The following DNAH8 variants were observed in gnomAD, a reference collection of about 807,000 sequenced individuals.
DNAH8 encodes axonemal beta dynein heavy chain 8.
In DNAH8, 382 loss-of-function variants were observed where a neutral mutation model predicts 562.1. The observed-to-expected ratio is 0.68, with a 90% CI of 0.63 to 0.74. DNAH8 has a LOEUF of 0.74. DNAH8 is among the 30% of genes least tolerant of loss of function. The probability of loss-of-function intolerance (pLI) is 0.00; values close to 1 mark genes in which losing one functional copy is unlikely to be tolerated. For missense variants in DNAH8, 5,203 were observed against 5,620.4 expected (o/e 0.93, Z 2.37); for synonymous variants, 1,881 against 1,919.4 (o/e 0.98, Z 0.52).
intron 23 of DNAH8, among the ~76,000 whole-genome samples, chr6:38,805,855 C>A (rs1771225981): frequency 6.6e-6 from 1 of 152,164 alleles, no homozygotes; most frequent in South Asian, 2.1e-4. Context: ...CATGTTTTCT[C>A]ATATAGTAAA....
intron 73 of DNAH8, 21 bp from the exon 74 acceptor site, chr6:38,926,034 T>C (rs1561871331): frequency 1.2e-6 from 2 of 1,608,652 alleles, no homozygotes; most frequent in East Asian, 4.5e-5. Context: ...TGAATGGTGA[T>C]ATCCATTTCC....
intron 40 of DNAH8, among the ~76,000 whole-genome samples, 181 bp from the exon 41 acceptor site, chr6:38,853,004 TG>T (rs1325250150): frequency 3.3e-5 from 5 of 152,178 alleles, no homozygotes; most frequent in Non-Finnish European, 7.3e-5. Flanking sequence ...TTGGACTAGG[TG>T]ATCTGTGTAG....
chr6:39,019,857 G>A (rs768861785), intron 91 of DNAH8, among the ~76,000 whole-genome samples: 5 of 152,152 alleles, frequency 3.3e-5, no homozygotes, highest in Non-Finnish European at 7.3e-5. Flanking sequence ...CAGAGGCTGT[G>A]GTTGTCAATG....
intron 39 of DNAH8, among the ~76,000 whole-genome samples, chr6:38,852,181 G>A (rs1490599204): frequency 1.3e-5 from 2 of 152,160 alleles, no homozygotes; most frequent in Non-Finnish European, 2.9e-5. Context: ...TACTTTGGAA[G>A]AGGAAAAGAA....
At position 38,984,321 on chromosome 6, in the gene DNAH8, GAAAA is replaced by G. The variant is rs1561942994; in HGVS notation, c.13053+16_13053+19del. The G allele has an allele frequency of 3.2e-6, 5 of 1,548,346 alleles. No individual in the cohort carries two copies. Among genetic ancestry groups the G allele is most frequent in the Non-Finnish European group, 4.5e-6 (5 of 1,120,284 alleles). On this transcript the variant is annotated intron_variant, in intron 87 of 92. Coordinates refer to ENST00000327475, the MANE Select transcript of DNAH8 (RefSeq NM_001206927.2). Reference sequence around the variant, plus strand: ...TGCTTTGCCAGAGTAAGTCAATTTAGAAAAATAAAGTTTGGAGACACATTTCACT... The same window carrying G: ...TGCTTTGCCAGAGTAAGTCAATTTAGATAAAGTTTGGAGACACATTTCACT...
chr6:38,955,091 C>G (rs922661150), intron 82 of DNAH8, among the ~76,000 whole-genome samples: 21 of 152,126 alleles, frequency 1.4e-4, no homozygotes, highest in Non-Finnish European at 8.8e-5. Flanking sequence ...CCTCAGCCTT[C>G]CAAGTAGCTG....
intron 3 of DNAH8, among the ~76,000 whole-genome samples, chr6:38,728,189 A>G (rs1763379574): frequency 1.3e-5 from 2 of 152,000 alleles, no homozygotes; most frequent in African/African-American, 4.8e-5. Context: ...GCTGGTCTTG[A>G]ACTCTTGGGC....
chr6:38,970,395 A>T (rs2150686828), intron 82 of DNAH8, among the ~76,000 whole-genome samples: 1 of 152,206 alleles, frequency 6.6e-6, no homozygotes, highest in South Asian at 2.1e-4. Flanking sequence ...GGAAAGATTC[A>T]TGTGGGCTTT....
chr6:38,980,173 A>G (rs535410438), intron 85 of DNAH8, among the ~76,000 whole-genome samples: 5 of 152,156 alleles, frequency 3.3e-5, no homozygotes, highest in Non-Finnish European at 5.9e-5. Flanking sequence ...TGCCCTGGTA[A>G]TAATCGACCA....
chr6:38,838,666 T>C (rs1276588420), intron 33 of DNAH8, among the ~76,000 whole-genome samples: 1 of 152,150 alleles, frequency 6.6e-6, no homozygotes, highest in Non-Finnish European at 1.5e-5. Flanking sequence ...CCCAAAGTGC[T>C]GGGATTACAG....
At chr6:38,836,516 C>CA (rs35716203) in intron 32 of DNAH8, among the ~76,000 whole-genome samples, 59,265 of 129,066 alleles carry the variant, frequency 0.46, 13,495 homozygotes, top group Admixed American at 0.52. Flanking sequence ...AAAACCATCT[C>CA]AAAAAAAAAA....
At chr6:38,822,422 A>T (rs1375616234) in intron 26 of DNAH8, 1 of 154,636 alleles carries the variant, frequency 6.5e-6, no homozygotes, top group Non-Finnish European at 1.4e-5. Flanking sequence ...TTTAATTCTC[A>T]CAAGTATATC....
At chr6:38,973,441 G>A (rs1323153601) in intron 83 of DNAH8, among the ~76,000 whole-genome samples, 2 of 152,148 alleles carry the variant, frequency 1.3e-5, no homozygotes, top group Non-Finnish European at 2.9e-5. Context: ...ACCAGGGGTG[G>A]CAGAATACAA....
chr6:38,861,996 C>T (rs1776671306), intron 43 of DNAH8, among the ~76,000 whole-genome samples: 2 of 134,156 alleles, frequency 1.5e-5, no homozygotes, highest in Non-Finnish European at 3.1e-5. Flanking sequence ...CATTTGCCAG[C>T]ACAATACTGC....
chr6:38,971,026 A>G (rs2395710), intron 82 of DNAH8, among the ~76,000 whole-genome samples: 140,356 of 152,158 alleles, frequency 0.92, 64,863 homozygotes, highest in East Asian at 0.99. Context: ...GGTCTTAGAC[A>G]GTTGCCCCTG....
chr6:38,829,776 G>C lies in DNAH8; in HGVS notation c.4188+1488G>C, dbSNP rs1773671853. On this transcript the variant is annotated intron_variant, in intron 30 of 92. Coordinates refer to ENST00000327475, the MANE Select transcript of DNAH8 (RefSeq NM_001206927.2). ...TTTAAAAAGAAAATAGTGGCAAAAT[G>C]CATGTAACATAAAATTTACCTTCTT... 3.9e-5 allele frequency among the ~76,000 whole-genome samples: 6 copies of C among 152,152 alleles called. No individual in the cohort carries two copies. In the South Asian group the frequency reaches 1.2e-3, roughly 32 times the overall value.
At chr6:38,833,270 A>G (rs946268737) in intron 31 of DNAH8, among the ~76,000 whole-genome samples, 1 of 151,990 alleles carries the variant, frequency 6.6e-6, no homozygotes. Context: ...TGCTAAACAT[A>G]TCTGTTGATT....
intron 33 of DNAH8, among the ~76,000 whole-genome samples, chr6:38,839,192 CTG>C (rs1194448880): frequency 6.6e-6 from 1 of 152,210 alleles, no homozygotes; most frequent in Non-Finnish European, 1.5e-5. Context: ...CTCCAGGTGA[CTG>C]TGATGCACAC....
At position 38,829,517 on chromosome 6, in the gene DNAH8, A is replaced by G. The variant is rs150681461; in HGVS notation, c.4188+1229A>G. On this transcript the variant is annotated intron_variant, in intron 30 of 92. Transcript: ENST00000327475. ...TTTTGAGTTAATTTGTGCATATGGTATAAGTTAGGGATTCGACTTCATATA... is the reference window on the plus strand; with the variant it reads ...TTTTGAGTTAATTTGTGCATATGGTGTAAGTTAGGGATTCGACTTCATATA... Among the ~76,000 whole-genome samples the G allele has an allele frequency of 1.2e-3, 188 of 152,330 alleles. 1 individual carries two copies. The highest frequency in any genetic ancestry group is 2.3e-3 in the Non-Finnish European group (156 of 68,028).
Sources: allele counts gnomAD v4.1 joint callset (sites outside exome capture counted in the v4.1 genomes callset), GRCh38; gene constraint gnomAD v4.1.1; transcripts MANE v1.5; gene names NCBI Gene and HGNC (gene_info 2026-07-23, HGNC 2026-07-21).